Variants in CORO1C observed in about 807,000 individuals in gnomAD.
The protein encoded by CORO1C is coronin-1C.
In CORO1C, 14 loss-of-function variants were observed where a neutral mutation model predicts 51.2. The observed-to-expected ratio is 0.27, with a 90% CI of 0.18 to 0.43. CORO1C has a LOEUF of 0.43. CORO1C is among the 20% of genes least tolerant of loss of function. CORO1C has a pLI of 1.00. For synonymous variants in CORO1C, 181 were observed against 210.5 expected (o/e 0.86, Z 1.21); for missense variants, 417 against 607.8 (o/e 0.69, Z 3.30).
At chr12:108,665,131 T>G (rs2033424119) in intron 3 of CORO1C, among the ~76,000 whole-genome samples, 1 of 152,206 alleles carries the variant, frequency 6.6e-6, no homozygotes, top group Non-Finnish European at 1.5e-5. Context: ...TTGTTTATAA[T>G]CAGCATTTCC....
chr12:108,731,404 C>A lies in CORO1C; in HGVS notation c.-6+25G>T. 1 of 152,602 alleles carries A rather than the reference C, an allele frequency of 6.6e-6. No individual in the cohort carries two copies. Among genetic ancestry groups the A allele is most frequent in the Non-Finnish European group, 1.5e-5 (1 of 68,350 alleles). 9.5% of individuals were successfully genotyped at this position (152,602 alleles called of 1,614,324 possible). Reference sequence around the variant, plus strand: ...GCCCGCCCGACTCGCTCTCAGGCTGCCCCCGCCGGGCGCGAGCCGCTCACC... The same window carrying A: ...GCCCGCCCGACTCGCTCTCAGGCTGACCCCGCCGGGCGCGAGCCGCTCACC... On this transcript the variant is annotated intron_variant, in intron 1 of 10. Transcript: ENST00000261401. This position sits in a 1 kb window ranked among gnomAD's most constrained non-coding sequence, Gnocchi z 5.2.
rs139334112 is a variant in CORO1C, at chr12:108,660,451, CAAAAAAAA to C, written c.449-1540_449-1533del. Reference sequence around the variant, plus strand: ...GAGCAACAAGAGCGAAACTCCATCTCAAAAAAAAAAAAAAAAAAAAAAGAAGTAGGAAA... The same window carrying C: ...GAGCAACAAGAGCGAAACTCCATCTCAAAAAAAAAAAAAAGAAGTAGGAAA... On this transcript the variant is annotated intron_variant, in intron 4 of 10. Coordinates refer to ENST00000261401, the MANE Select transcript of CORO1C (RefSeq NM_014325.4). Among the ~76,000 whole-genome samples, 149 of 87,504 alleles carry C rather than the reference CAAAAAAAA, an allele frequency of 1.7e-3. 2 individuals carry two copies. Among genetic ancestry groups the C allele is most frequent in the African/African-American group, 5.8e-3 (135 of 23,374 alleles). The allele number at this position is 87,504 out of a possible 152,430, so 57.4% of individuals were successfully genotyped here. A position where few individuals can be genotyped will look rare whatever the true frequency, so the allele number is the denominator to read the frequency against.
chr12:108,676,193 G>A (rs750476181), intron 3 of CORO1C, among the ~76,000 whole-genome samples: 16 of 152,254 alleles, frequency 1.1e-4, no homozygotes, highest in Non-Finnish European at 2.4e-4. Flanking sequence ...ACTTTGAGAG[G>A]GAGGAGGGAT....
At chr12:108,650,967 T>C (rs539951115) in intron 8 of CORO1C, among the ~76,000 whole-genome samples, 193 of 152,348 alleles carry the variant, frequency 1.3e-3, no homozygotes, top group African/African-American at 4.4e-3. Flanking sequence ...TTGTTTGTTT[T>C]TGTTTGTTTG....
rs888952087 is a variant in CORO1C, at chr12:108,658,975, C to G, written c.449-56G>C. Reference sequence around the variant, plus strand: ...AGATTAGAAACACCTATGTAACACACTCAGAAAACTACAGATACAGTGAGA... The same window carrying G: ...AGATTAGAAACACCTATGTAACACAGTCAGAAAACTACAGATACAGTGAGA... On this transcript the variant is annotated intron_variant, in intron 4 of 10. Coordinates refer to ENST00000261401, the MANE Select transcript of CORO1C (RefSeq NM_014325.4). The surrounding 1 kb of genome is among the most constrained non-coding windows in gnomAD (Gnocchi z 4.9). 3.4e-5 allele frequency: 53 copies of G among 1,537,268 alleles called. No homozygotes were observed. Among genetic ancestry groups the G allele is most frequent in the Admixed American group, 1.9e-4 (11 of 57,576 alleles).
At chr12:108,679,109 C>CAAAA (rs1183326267) in intron 2 of CORO1C, among the ~76,000 whole-genome samples, 12 of 22,132 alleles carry the variant, frequency 5.4e-4, no homozygotes, top group Non-Finnish European at 7.8e-4. Flanking sequence ...GACTCTGTCT[C>CAAAA]AAAAAAAAAA....
At chr12:108,674,991 A>G (rs1166490165) in intron 3 of CORO1C, among the ~76,000 whole-genome samples, 2 of 152,220 alleles carry the variant, frequency 1.3e-5, no homozygotes, top group Non-Finnish European at 2.9e-5. Flanking sequence ...ATCAAACAGC[A>G]TCACATGCTA....
rs373022360 is a variant in CORO1C at position 108,648,939 on chromosome 12, T to C, written c.1059+24A>G. The stretch of plus-strand genomic sequence containing the variant: ...TTTTTACATTTGTTTAAAATATGGA[T>C]TGTCTAGAAAACTCAGCACTCACCT... On this transcript the variant is annotated intron_variant, in intron 9 of 10. Transcript: ENST00000261401. The C allele has an allele frequency of 4.7e-5, 76 of 1,612,304 alleles. No homozygotes were observed. In the Middle Eastern group the frequency reaches 8.2e-4, roughly 17 times the overall value.
At position 108,656,188 on chromosome 12, in the gene CORO1C, C is replaced by A. The variant is rs1436741996; in HGVS notation, c.750+1116G>T. 1.3e-5 allele frequency among the ~76,000 whole-genome samples: 2 copies of A among 148,626 alleles called. 1 individual carries two copies. The highest frequency in any genetic ancestry group is 4.1e-4 in the East Asian group (2 of 4,856). ...GTGAGGAGCCCCTCCGCCCGGCAGC[C>A]GCCCCGTCTGAGAAGTGAGGAGCCC... On this transcript the variant is annotated intron_variant, in intron 6 of 10. Transcript: ENST00000261401.
Position 108,657,440 on chromosome 12 carries a change from C to T in CORO1C, c.631-17G>A, listed in dbSNP as rs2033075605. On this transcript the variant is annotated splice_polypyrimidine_tract_variant and intron_variant, in intron 5 of 10. Transcript: ENST00000261401. The stretch of plus-strand genomic sequence containing the variant: ...CTCCTTCTCCTGGAGAGCAAAAAGG[C>T]ACATGCCACACATTAAACTGCAAGA... 2 of 1,609,478 alleles carry T rather than the reference C, an allele frequency of 1.2e-6. No individual in the cohort carries two copies. The highest frequency in any genetic ancestry group is 8.5e-7 in the Non-Finnish European group (1 of 1,178,044).
At chr12:108,712,256 T>C (rs541528145) in intron 1 of CORO1C, among the ~76,000 whole-genome samples, 2 of 152,178 alleles carry the variant, frequency 1.3e-5, no homozygotes, top group Non-Finnish European at 2.9e-5. Context: ...TAAATGACAA[T>C]GCCAACAGTA....
intron 3 of CORO1C, among the ~76,000 whole-genome samples, chr12:108,668,197 G>A (rs1456868569): frequency 6.6e-6 from 1 of 152,188 alleles, no homozygotes; most frequent in Non-Finnish European, 1.5e-5. Context: ...TCCTACAGAC[G>A]CCCACAAAGG....
At chr12:108,727,549 C>T (rs1217839749) in intron 1 of CORO1C, among the ~76,000 whole-genome samples, 1 of 152,154 alleles carries the variant, frequency 6.6e-6, no homozygotes, top group African/African-American at 2.4e-5. Flanking sequence ...GGTGAGGTCA[C>T]CAGAGGATTT....
chr12:108,709,520 CT>C (rs1276710611), intron 1 of CORO1C, among the ~76,000 whole-genome samples: 3 of 152,186 alleles, frequency 2.0e-5, no homozygotes, highest in Admixed American at 6.5e-5. Context: ...CTTAAGAGAG[CT>C]GTCTGCATTG....
At chr12:108,659,955 T>G (rs955035779) in intron 4 of CORO1C, among the ~76,000 whole-genome samples, 1 of 152,210 alleles carries the variant, frequency 6.6e-6, no homozygotes, top group Non-Finnish European at 1.5e-5. Context: ...ACCAACTCCT[T>G]CCTTCCTTCA....
At chr12:108,706,340 G>A (rs1020911588) in intron 1 of CORO1C, among the ~76,000 whole-genome samples, 7 of 152,104 alleles carry the variant, frequency 4.6e-5, no homozygotes, top group South Asian at 2.1e-4. Context: ...ATTCAATGGC[G>A]AAAGATGCCT....
chr12:108,650,040 T>C (rs1466107482), intron 8 of CORO1C, among the ~76,000 whole-genome samples: 3 of 152,138 alleles, frequency 2.0e-5, no homozygotes, highest in Non-Finnish European at 4.4e-5. Context: ...CTCTAACGCA[T>C]CAGGGGAACA....
chr12:108,680,489 C>T (rs1457519358), intron 2 of CORO1C, among the ~76,000 whole-genome samples: 2 of 152,174 alleles, frequency 1.3e-5, no homozygotes, highest in Admixed American at 6.5e-5. Context: ...TTACAGGCAG[C>T]GAAGTATAAA....
intron 1 of CORO1C, among the ~76,000 whole-genome samples, chr12:108,728,986 G>C (rs1196075297): frequency 1.3e-5 from 2 of 152,080 alleles, no homozygotes; most frequent in Non-Finnish European, 2.9e-5. Flanking sequence ...CTGGAAAAGA[G>C]GTCAAAGGTA....
Sources: gnomAD v4.1 joint callset for allele counts (sites outside exome capture counted in the v4.1 genomes callset) on GRCh38, gnomAD v4.1.1 for gene constraint, Gnocchi (gnomAD v3.1) non-coding constraint, MANE v1.5 for transcripts, NCBI Gene and HGNC (gene_info 2026-07-23, HGNC 2026-07-21) for gene names.